PLPP1: variants seen among roughly 807,000 people sequenced by gnomAD.
PLPP1 encodes lipid phosphate phosphohydrolase 1a.
A neutral mutation model predicts 31.2 loss-of-function variants in PLPP1; 24 were observed. The ratio of observed to expected loss-of-function variants is 0.77; its 90% CI spans 0.56 to 1.08. The LOEUF (loss-of-function observed/expected upper bound fraction) is 1.08. Among genes scored for constraint, PLPP1 ranks in the 50% least tolerant of loss-of-function variants. PLPP1 has a pLI of 0.00. For missense variants in PLPP1, 319 were observed against 342.7 expected (o/e 0.93, Z 0.55); for synonymous variants, 146 against 126.3 (o/e 1.16, Z -1.05).
intron 1 of PLPP1, among the ~76,000 whole-genome samples, chr5:55,479,636 AC>A (rs35318538): frequency 0.86 from 130,146 of 152,164 alleles, 56,148 homozygotes; most frequent in South Asian, 0.92. Flanking sequence ...TGGTCCCTGA[AC>A]CGGGTGAAAT....
intron 1 of PLPP1, among the ~76,000 whole-genome samples, chr5:55,495,267 A>G (rs1752981898): frequency 6.6e-6 from 1 of 152,208 alleles, no homozygotes; most frequent in South Asian, 2.1e-4. Flanking sequence ...CAGTTCTTAC[A>G]GAAGGCAAAT....
At chr5:55,486,974 A>AC (rs1306839009) in intron 1 of PLPP1, among the ~76,000 whole-genome samples, 2 of 152,158 alleles carry the variant, frequency 1.3e-5, no homozygotes, top group East Asian at 3.8e-4. Flanking sequence ...AGTTTAGGTC[A>AC]CCATAAGTAA....
intron 1 of PLPP1, among the ~76,000 whole-genome samples, chr5:55,479,885 G>A (rs1313868330): frequency 6.6e-6 from 1 of 152,112 alleles, no homozygotes. Context: ...ATGCTATAGT[G>A]AACATTTCTG....
Position 55,498,236 on chromosome 5 carries a change from T to C in PLPP1, c.59-22786A>G, listed in dbSNP as rs960828833. On this transcript the variant is annotated intron_variant, in intron 1 of 5. Coordinates refer to ENST00000307259, the MANE Select transcript of PLPP1 (RefSeq NM_003711.4). ...AATGGAGGGGCTATGAAAAGAGCTGTGTAAAGAAAAAAAACAGTGTGAAGA... is the reference window on the plus strand; with the variant it reads ...AATGGAGGGGCTATGAAAAGAGCTGCGTAAAGAAAAAAAACAGTGTGAAGA... Among the ~76,000 whole-genome samples the C allele has an allele frequency of 5.3e-5, 8 of 151,976 alleles. No individual in the cohort carries two copies. The East Asian group carries it at 5.8e-4, about 11-fold the overall frequency.
At chr5:55,512,006 G>A (rs1309740497) in intron 1 of PLPP1, among the ~76,000 whole-genome samples, 3 of 149,996 alleles carry the variant, frequency 2.0e-5, no homozygotes, top group Non-Finnish European at 4.4e-5. Context: ...GTGGCAGCCT[G>A]TAATCCAAGC....
At chr5:55,471,756 A>G (rs141876330) in intron 2 of PLPP1, among the ~76,000 whole-genome samples, 269 of 152,330 alleles carry the variant, frequency 1.8e-3, no homozygotes, top group African/African-American at 6.0e-3. Flanking sequence ...ATAAAGTTAA[A>G]TGTATACAAG....
intron 4 of PLPP1, among the ~76,000 whole-genome samples, chr5:55,426,636 C>T (rs140314062): frequency 1.3e-5 from 2 of 151,798 alleles, no homozygotes; most frequent in African/African-American, 4.8e-5. Context: ...TCAAACTCCT[C>T]GTCTCAAGTA....
At position 55,425,899 on chromosome 5, in the gene PLPP1, A is replaced by T. The variant is rs1751174176; in HGVS notation, c.690T>A (p.Thr230=). 1 of 1,613,100 alleles carries T rather than the reference A, an allele frequency of 6.2e-7. No individual in the cohort carries two copies. Among genetic ancestry groups the T allele is most frequent in the Non-Finnish European group, 8.5e-7 (1 of 1,179,786 alleles). The change falls in exon 5 of 6, where the codon ACT becomes ACA. Residue 230 remains threonine, a synonymous_variant. Coordinates refer to ENST00000307259, the MANE Select transcript of PLPP1 (RefSeq NM_003711.4). ...DYKHHWSDVL[T]GLIQGALVAI... ...CAACCAGAGCTCCCTGAATGAGTCC[A>T]GTCAACACATCGCTCCAGTGGTGTT...
At position 55,438,280 on chromosome 5, in the gene PLPP1, T is replaced by C. The variant is rs191166230; in HGVS notation, c.549+3571A>G. 4.1e-4 allele frequency among the ~76,000 whole-genome samples: 63 copies of C among 152,318 alleles called. 1 individual carries two copies. The highest frequency in any genetic ancestry group is 3.4e-3 in the Middle Eastern group (1 of 294). The stretch of plus-strand genomic sequence containing the variant: ...TCACTAAGCATATAAACTGGCTATG[T>C]GCAAAGCAGCCCTGCCCTGAGCTCC... On this transcript the variant is annotated intron_variant, in intron 4 of 5. Coordinates refer to ENST00000307259, the MANE Select transcript of PLPP1 (RefSeq NM_003711.4).
intron 3 of PLPP1, among the ~76,000 whole-genome samples, chr5:55,462,418 T>C (rs1752185555): frequency 6.6e-6 from 1 of 152,198 alleles, no homozygotes; most frequent in Non-Finnish European, 1.5e-5. Context: ...ATAAATAATG[T>C]TGGAACAACC....
At chr5:55,426,608 G>C (rs189122) in intron 4 of PLPP1, among the ~76,000 whole-genome samples, 1 of 151,434 alleles carries the variant, frequency 6.6e-6, no homozygotes, top group Non-Finnish European at 1.5e-5. Flanking sequence ...GGGTCTCACT[G>C]TGTTGCCCAG....
intron 1 of PLPP1, among the ~76,000 whole-genome samples, chr5:55,526,988 G>T (rs1740473950): frequency 6.7e-6 from 1 of 149,486 alleles, no homozygotes; most frequent in Non-Finnish European, 1.5e-5. Flanking sequence ...GGTCAGGATA[G>T]GCACCGTGTC....
intron 3 of PLPP1, among the ~76,000 whole-genome samples, chr5:55,443,212 T>TATATATATATATATATATACAC (rs1169152710): frequency 1.9e-5 from 2 of 105,004 alleles, no homozygotes; most frequent in Non-Finnish European, 3.6e-5. Flanking sequence ...TATATATATA[T>TATATATATATATATATATACAC]ACACACACAC....
At position 55,441,839 on chromosome 5, in the gene PLPP1, C is replaced by T; in HGVS notation, c.549+12G>A. The T allele has an allele frequency of 1.2e-6, 2 of 1,611,584 alleles. No individual in the cohort carries two copies. The highest frequency in any genetic ancestry group is 1.7e-6 in the Non-Finnish European group (2 of 1,177,678). ...CACATAACCTAACCGTCAACAGACA[C>T]AAAGTACTTACTGCCACAAACAGCA... On this transcript the variant is annotated intron_variant, in intron 4 of 5. Transcript: ENST00000307259.
chr5:55,468,080 A>G lies in PLPP1; in HGVS notation c.280T>C (p.Tyr94His), dbSNP rs1222905855. ...ATGGCTTTGTAAATAGTGGCTATGT[A>G]GTTATTCCTGATAAAGGAATTTGAG... Reference protein sequence around the residue: ...LHSNSFIRNNYIATIYKAIGT... With the variant: ...LHSNSFIRNNHIATIYKAIGT... The change falls in exon 3 of 6, where the codon TAC (tyrosine) becomes CAC (histidine). Residue 94 changes from tyrosine (Y) to histidine (H), a missense_variant. Coordinates refer to ENST00000307259, the MANE Select transcript of PLPP1 (RefSeq NM_003711.4). The G allele has an allele frequency of 1.9e-6, 3 of 1,613,656 alleles. No individual in the cohort carries two copies. The highest frequency in any genetic ancestry group is 2.5e-6 in the Non-Finnish European group (3 of 1,179,722).
chr5:55,487,489 T>C (rs970728471), intron 1 of PLPP1, among the ~76,000 whole-genome samples: 5 of 151,214 alleles, frequency 3.3e-5, no homozygotes, highest in African/African-American at 1.2e-4. Flanking sequence ...GTTTTCTGAA[T>C]ATGGCACCTT....
intron 3 of PLPP1, among the ~76,000 whole-genome samples, chr5:55,445,263 C>A (rs1432251966): frequency 6.6e-6 from 1 of 152,160 alleles, no homozygotes; most frequent in East Asian, 1.9e-4. Flanking sequence ...CCAACATCCA[C>A]ATCCATGTTC....
In PLPP1 at chr5:55,490,828, T is replaced by C. The variant is rs560098637; in HGVS notation, c.59-15378A>G. On this transcript the variant is annotated intron_variant, in intron 1 of 5. Transcript: ENST00000307259. ...CCTCTGGACTAAAACAGTGGGTATATTCCTCAAGCAATCATTCACCATATC... is the reference window on the plus strand; with the variant it reads ...CCTCTGGACTAAAACAGTGGGTATACTCCTCAAGCAATCATTCACCATATC... 6.7e-5 allele frequency: 68 copies of C among 1,021,570 alleles called. No individual in the cohort carries two copies. In the African/African-American group the frequency reaches 9.7e-4, roughly 15 times the overall value. The allele number at this position is 1,021,570 out of a possible 1,614,324, so 63.3% of individuals were successfully genotyped here. A position where few individuals can be genotyped will look rare whatever the true frequency, so the allele number is the denominator to read the frequency against.
chr5:55,491,242 A>G, intron 1 of PLPP1: 1 of 906,276 alleles, frequency 1.1e-6, no homozygotes, highest in Non-Finnish European at 1.6e-6. Context: ...TCTCCATTAT[A>G]CCCAAGGGCA....
Sources: allele counts gnomAD v4.1 joint callset (sites outside exome capture counted in the v4.1 genomes callset), GRCh38; gene constraint gnomAD v4.1.1; transcripts MANE v1.5; gene names NCBI Gene and HGNC (gene_info 2026-07-23, HGNC 2026-07-21).